Variants in RABGAP1L observed in about 807,000 individuals in gnomAD.
RABGAP1L encodes the protein rab GTPase-activating protein 1-like.
Under a neutral mutation model 137.7 loss-of-function variants are expected in RABGAP1L, and 63 were observed. The ratio of observed to expected loss-of-function variants is 0.46; its 90% CI spans 0.37 to 0.56. The LOEUF is 0.56. Ranked by LOEUF, RABGAP1L falls within the 20% of genes least tolerant of loss-of-function variation. RABGAP1L has a pLI of 0.00. For missense variants in RABGAP1L, 1,095 were observed against 1,244.0 expected (o/e 0.88, Z 1.80); for synonymous variants, 431 against 433.7 (o/e 0.99, Z 0.08).
At chr1:174,675,414 T>C (rs903892082) in intron 14 of RABGAP1L, among the ~76,000 whole-genome samples, 9 of 152,028 alleles carry the variant, frequency 5.9e-5, no homozygotes, top group Non-Finnish European at 1.2e-4. Context: ...TGTGGCGTTA[T>C]TTCTGAGGGC....
intron 13 of RABGAP1L, among the ~76,000 whole-genome samples, chr1:174,464,116 G>C (rs1211969955): frequency 6.6e-6 from 1 of 152,068 alleles, no homozygotes; most frequent in African/African-American, 2.4e-5. Context: ...TTTTAATACA[G>C]ATACCTTTAG....
chr1:174,919,939 G>T (rs1274635243), intron 19 of RABGAP1L, among the ~76,000 whole-genome samples: 1 of 152,170 alleles, frequency 6.6e-6, no homozygotes, highest in East Asian at 1.9e-4. Context: ...TTTATTTGGG[G>T]TCACCAGGAA....
At chr1:174,615,147 A>T (rs1023879924) in intron 13 of RABGAP1L, among the ~76,000 whole-genome samples, 1 of 152,178 alleles carries the variant, frequency 6.6e-6, no homozygotes, top group Non-Finnish European at 1.5e-5. Context: ...GGAGGAGAAG[A>T]GGTGCTCTGC....
chr1:174,252,308 T>G (rs886300725), intron 6 of RABGAP1L, 172 bp from the exon 7 acceptor site: 1 of 671,352 alleles, frequency 1.5e-6, no homozygotes, highest in Non-Finnish European at 2.3e-6. Context: ...ATAAAGTTTA[T>G]AGTCAAATAA....
At chr1:174,631,887 A>G (rs1434476926) in intron 13 of RABGAP1L, among the ~76,000 whole-genome samples, 2 of 143,498 alleles carry the variant, frequency 1.4e-5, no homozygotes, top group South Asian at 4.7e-4. Flanking sequence ...AATTTAGTCC[A>G]TTTACATTTA....
intron 1 of RABGAP1L, among the ~76,000 whole-genome samples, chr1:174,178,031 G>T (rs765390977): frequency 6.6e-6 from 1 of 152,188 alleles, no homozygotes; most frequent in African/African-American, 2.4e-5. Flanking sequence ...GTCAATGGTA[G>T]CTTGATGGGA....
chr1:174,975,411 T>G (rs1670561800), intron 21 of RABGAP1L, among the ~76,000 whole-genome samples: 1 of 152,244 alleles, frequency 6.6e-6, no homozygotes, highest in Non-Finnish European at 1.5e-5. Flanking sequence ...GACATCATCA[T>G]TCTAGAAATA....
At chr1:174,424,892 G>A (rs1460185699) in intron 13 of RABGAP1L, among the ~76,000 whole-genome samples, 1 of 151,874 alleles carries the variant, frequency 6.6e-6, no homozygotes, top group African/African-American at 2.4e-5. Flanking sequence ...CAAATTTTTT[G>A]TGGAATTAAA....
chr1:174,835,959 C>T (rs548996478), intron 19 of RABGAP1L, among the ~76,000 whole-genome samples: 1 of 152,348 alleles, frequency 6.6e-6, no homozygotes, highest in Admixed American at 6.5e-5. Flanking sequence ...AAAGAACCAC[C>T]TTCAGTTGAA....
intron 13 of RABGAP1L, among the ~76,000 whole-genome samples, chr1:174,540,372 C>T (rs989477005): frequency 6.6e-6 from 1 of 152,168 alleles, no homozygotes; most frequent in African/African-American, 2.4e-5. Flanking sequence ...CTTGCCCATG[C>T]CAATGTCCTA....
intron 16 of RABGAP1L, chr1:174,701,171 C>A: frequency 7.7e-7 from 1 of 1,298,282 alleles, no homozygotes; most frequent in Non-Finnish European, 1.0e-6. Context: ...ATACTTTGTA[C>A]CTTGCTGTTC....
intron 19 of RABGAP1L, among the ~76,000 whole-genome samples, chr1:174,935,788 C>T (rs1459441489): frequency 2.0e-5 from 3 of 151,988 alleles, no homozygotes; most frequent in Non-Finnish European, 4.4e-5. Context: ...TCGAGATCAG[C>T]CTGGGCAACA....
chr1:174,569,014 C>G (rs1488031502), intron 13 of RABGAP1L, among the ~76,000 whole-genome samples: 1 of 152,106 alleles, frequency 6.6e-6, no homozygotes, highest in African/African-American at 2.4e-5. Context: ...TCACAGTAAC[C>G]TTATAATGGA....
chr1:174,675,248 C>G (rs1372827295), intron 14 of RABGAP1L, among the ~76,000 whole-genome samples: 1 of 151,718 alleles, frequency 6.6e-6, no homozygotes, highest in Admixed American at 6.6e-5. Flanking sequence ...TTTAATCCAT[C>G]TTGAATTAAT....
intron 17 of RABGAP1L, among the ~76,000 whole-genome samples, chr1:174,712,445 G>C (rs905465643): frequency 2.0e-5 from 3 of 152,120 alleles, no homozygotes; most frequent in Non-Finnish European, 2.9e-5. Context: ...AACACTCACC[G>C]CGAAGGTCTG....
intron 17 of RABGAP1L, among the ~76,000 whole-genome samples, chr1:174,735,569 G>A (rs1026626759): frequency 2.6e-5 from 3 of 116,802 alleles, no homozygotes; most frequent in East Asian, 5.4e-4. Flanking sequence ...CTGAGATCAC[G>A]CCATTGCACT....
intron 13 of RABGAP1L, among the ~76,000 whole-genome samples, chr1:174,626,473 C>T (rs1672952617): frequency 6.6e-6 from 1 of 152,206 alleles, no homozygotes; most frequent in African/African-American, 2.4e-5. Context: ...CTCATTGTAG[C>T]TTCTTTCCCT....
intron 21 of RABGAP1L, among the ~76,000 whole-genome samples, chr1:174,972,883 G>A (rs1346445809): frequency 7.0e-6 from 1 of 142,786 alleles, no homozygotes; most frequent in East Asian, 2.0e-4. Context: ...AAAAAATTAT[G>A]GTGAAGGCTT....
intron 13 of RABGAP1L, among the ~76,000 whole-genome samples, chr1:174,527,461 C>T (rs1029998639): frequency 1.3e-5 from 2 of 152,124 alleles, no homozygotes; most frequent in Non-Finnish European, 2.9e-5. Context: ...CTGCCTCGGC[C>T]TCCCAAAGTG....
Sources: allele counts gnomAD v4.1 joint callset (sites outside exome capture counted in the v4.1 genomes callset), GRCh38; gene constraint gnomAD v4.1.1; transcripts MANE v1.5; gene names NCBI Gene and HGNC (gene_info 2026-07-23, HGNC 2026-07-21).